LHFPL2: variants seen among roughly 807,000 people sequenced by gnomAD.
The protein encoded by LHFPL2 is LHFPL tetraspan subfamily member 2, also known as LHFPL tetraspan subfamily member 2 protein.
In LHFPL2, 7 loss-of-function variants were observed where a neutral mutation model predicts 17.5. The ratio of observed to expected loss-of-function variants is 0.40; its 90% confidence interval spans 0.23 to 0.75. The LOEUF (loss-of-function observed/expected upper bound fraction) is 0.75, where lower values mean the gene tolerates loss of function less well. Ranked by LOEUF, LHFPL2 falls within the 30% of genes least tolerant of loss-of-function variation. The probability of loss-of-function intolerance (pLI) is 0.37; values close to 1 mark genes in which losing one functional copy is unlikely to be tolerated. For missense variants in LHFPL2, 241 were observed against 294.8 expected (o/e 0.82, Z 1.34); for synonymous variants, 134 against 116.2 (o/e 1.15, Z -0.99).
intron 2 of LHFPL2, among the ~76,000 whole-genome samples, chr5:78,577,309 C>T (rs554452960): frequency 5.3e-5 from 8 of 152,284 alleles, no homozygotes; most frequent in Non-Finnish European, 1.2e-4. Context: ...CCATCTTGGT[C>T]AGCCTCCAAG....
chr5:78,588,914 C>T (rs1206389804), intron 2 of LHFPL2, among the ~76,000 whole-genome samples: 1 of 152,112 alleles, frequency 6.6e-6, no homozygotes, highest in Non-Finnish European at 1.5e-5. Context: ...AATAACTTAC[C>T]TTTTTCAAGC....
intron 1 of LHFPL2, among the ~76,000 whole-genome samples, chr5:78,634,451 T>TTGC (rs1396419475): frequency 6.6e-6 from 1 of 152,234 alleles, no homozygotes; most frequent in East Asian, 1.9e-4. Flanking sequence ...CACACTGTGT[T>TTGC]TGCATGCTGC....
chr5:78,574,699 C>G (rs1304911485), intron 2 of LHFPL2, among the ~76,000 whole-genome samples: 2 of 152,216 alleles, frequency 1.3e-5, no homozygotes, highest in Admixed American at 1.3e-4. Flanking sequence ...TCCTTTTCCC[C>G]ACAAGATTTT....
chr5:78,503,785 TTTTA>T (rs1754848114), intron 4 of LHFPL2, among the ~76,000 whole-genome samples: 1 of 152,224 alleles, frequency 6.6e-6, no homozygotes, highest in Non-Finnish European at 1.5e-5. Flanking sequence ...GCAGTCATTT[TTTTA>T]TTTATGATAT....
intron 2 of LHFPL2, among the ~76,000 whole-genome samples, chr5:78,568,986 T>G (rs538227694): frequency 3.3e-5 from 5 of 152,236 alleles, no homozygotes; most frequent in Non-Finnish European, 5.9e-5. Flanking sequence ...CATTAGTAAA[T>G]GACAGAATAC....
At chr5:78,623,284 G>A (rs537529469) in intron 2 of LHFPL2, among the ~76,000 whole-genome samples, 1 of 152,270 alleles carries the variant, frequency 6.6e-6, no homozygotes, top group South Asian at 2.1e-4. Context: ...TAGCGGATTG[G>A]AATCTTACGA....
At position 78,521,645 on chromosome 5, in the gene LHFPL2, T is replaced by G. The variant is rs545553171; in HGVS notation, c.-185-11247A>C. 2.0e-5 allele frequency among the ~76,000 whole-genome samples: 3 copies of G among 152,368 alleles called. No homozygotes were observed. In the South Asian group the frequency reaches 6.2e-4, roughly 32 times the overall value. Reference sequence around the variant, plus strand: ...AGCAAAGGTCAGGGGTGAGAGGTTCTGATAAGATAAATTACTTGGCAGTCA... The same window carrying G: ...AGCAAAGGTCAGGGGTGAGAGGTTCGGATAAGATAAATTACTTGGCAGTCA... On this transcript the variant is annotated intron_variant, in intron 3 of 4. Coordinates refer to ENST00000380345, the MANE Select transcript of LHFPL2 (RefSeq NM_005779.3).
intron 3 of LHFPL2, among the ~76,000 whole-genome samples, chr5:78,560,535 G>A (rs1454843834): frequency 6.6e-6 from 1 of 152,142 alleles, no homozygotes; most frequent in Non-Finnish European, 1.5e-5. Flanking sequence ...GAAGGAGGGG[G>A]ATCATTTAGC....
chr5:78,555,931 T>C (rs1000198240), intron 3 of LHFPL2, among the ~76,000 whole-genome samples: 26 of 152,196 alleles, frequency 1.7e-4, no homozygotes, highest in African/African-American at 6.0e-4. Context: ...TGAGCCAACA[T>C]GTTCTGTTTC....
intron 3 of LHFPL2, among the ~76,000 whole-genome samples, chr5:78,539,774 T>C (rs892791992): frequency 2.0e-5 from 3 of 151,666 alleles, no homozygotes; most frequent in African/African-American, 7.3e-5. Context: ...GCATTTTTCT[T>C]GCCCCACTAA....
At chr5:78,496,682 G>C (rs1754617787) in intron 4 of LHFPL2, among the ~76,000 whole-genome samples, 1 of 152,174 alleles carries the variant, frequency 6.6e-6, no homozygotes, top group Non-Finnish European at 1.5e-5. Context: ...AGTGGGGACA[G>C]CTTCACAAAG....
At chr5:78,572,953 T>C (rs1757040711) in intron 2 of LHFPL2, among the ~76,000 whole-genome samples, 1 of 152,162 alleles carries the variant, frequency 6.6e-6, no homozygotes, top group South Asian at 2.1e-4. Context: ...ATAGGGTTTG[T>C]GCTCCTATGA....
chr5:78,510,302 G>A lies in LHFPL2; in HGVS notation c.-89C>T. The stretch of plus-strand genomic sequence containing the variant: ...TGGGGAAGGAGGCTCGGGCGGCCCG[G>A]GAAGGAAGTCGCAGCTGCAGTCATT... On this transcript the variant is annotated 5_prime_UTR_variant, in exon 4 of 5. Transcript: ENST00000380345. The A allele has an allele frequency of 4.6e-6, 6 of 1,307,066 alleles. No homozygotes were observed. The South Asian group carries it at 7.7e-5, about 17-fold the overall frequency. 81.0% of individuals were successfully genotyped at this position (1,307,066 alleles called of 1,614,324 possible).
At chr5:78,608,196 A>G (rs920601351) in intron 2 of LHFPL2, among the ~76,000 whole-genome samples, 2 of 152,250 alleles carry the variant, frequency 1.3e-5, no homozygotes, top group Non-Finnish European at 2.9e-5. Flanking sequence ...AGAGATGGTC[A>G]TGAAAGCAGT....
At chr5:78,619,776 A>G (rs1471217630) in intron 2 of LHFPL2, among the ~76,000 whole-genome samples, 2 of 129,020 alleles carry the variant, frequency 1.6e-5, no homozygotes, top group Non-Finnish European at 3.3e-5. Context: ...TGTCCTTGCA[A>G]TAGTTTACTG....
chr5:78,625,756 T>C (rs1318844508), intron 2 of LHFPL2: 1 of 152,206 alleles, frequency 6.6e-6, no homozygotes, highest in African/African-American at 2.4e-5. Flanking sequence ...CCTAATACAA[T>C]GCAGGCACCA....
intron 3 of LHFPL2, among the ~76,000 whole-genome samples, chr5:78,511,816 G>A (rs1434836039): frequency 2.1e-4 from 32 of 152,046 alleles, no homozygotes; most frequent in Admixed American, 2.1e-3. Context: ...TGCTATTTTG[G>A]GGACACAGCT....
At position 78,510,229 on chromosome 5, in the gene LHFPL2, G is replaced by C. The variant is rs764004655; in HGVS notation, c.-16C>G. On this transcript the variant is annotated 5_prime_UTR_variant, in exon 4 of 5. Coordinates refer to ENST00000380345, the MANE Select transcript of LHFPL2 (RefSeq NM_005779.3). ...CATGACACATATTGATGTTCCGGGC[G>C]AAGAAAGAGTCAGGAGTCCACGGAG... 5.7e-6 allele frequency: 9 copies of C among 1,565,728 alleles called. No individual in the cohort carries two copies. In the African/African-American group the frequency reaches 1.1e-4, roughly 19 times the overall value.
chr5:78,637,509 A>C (rs1302583506), intron 1 of LHFPL2, among the ~76,000 whole-genome samples: 1 of 152,236 alleles, frequency 6.6e-6, no homozygotes, highest in Non-Finnish European at 1.5e-5. Flanking sequence ...CAGCTATTAA[A>C]GGCCCAAATG....
Sources: gnomAD v4.1 joint callset for allele counts (sites outside exome capture counted in the v4.1 genomes callset) on GRCh38, gnomAD v4.1.1 for gene constraint, MANE v1.5 for transcripts, NCBI Gene and HGNC (gene_info 2026-07-23, HGNC 2026-07-21) for gene names.